PDE8B: variants seen among roughly 807,000 people sequenced by gnomAD.
PDE8B encodes the protein high affinity cAMP-specific and IBMX-insensitive 3',5'-cyclic phosphodiesterase 8B.
A neutral mutation model predicts 101.3 loss-of-function variants in PDE8B; 26 were observed. The observed-to-expected ratio is 0.26, with a 90% CI of 0.19 to 0.36. The LOEUF (loss-of-function observed/expected upper bound fraction) is 0.36. Ranked by LOEUF, PDE8B falls within the 10% of genes least tolerant of loss-of-function variation. The pLI, the probability that PDE8B is intolerant of heterozygous loss-of-function variation, is 1.00. For missense variants in PDE8B, 810 were observed against 1,163.1 expected, an observed-to-expected ratio of 0.70 and a Z score of 4.42; for synonymous variants, 424 against 429.3, an observed-to-expected ratio of 0.99 and a Z score of 0.15.
chr5:77,222,052 C>T (rs1427364031), intron 1 of PDE8B, among the ~76,000 whole-genome samples: 1 of 152,162 alleles, frequency 6.6e-6, no homozygotes, highest in Non-Finnish European at 1.5e-5. Flanking sequence ...CCCCTTGCAG[C>T]TCCTTTGCTA....
chr5:77,241,553 T>C (rs1755770436), intron 1 of PDE8B, among the ~76,000 whole-genome samples: 1 of 152,210 alleles, frequency 6.6e-6, no homozygotes, highest in Non-Finnish European at 1.5e-5. Flanking sequence ...CTATAAGCAC[T>C]ATGATCCTTA....
Position 77,422,050 on chromosome 5 carries a change from C to T in PDE8B, c.2418+62C>T, listed in dbSNP as rs560504234. On this transcript the variant is annotated intron_variant, in intron 20 of 21. Transcript: ENST00000264917. Reference sequence around the variant, plus strand: ...TGGGAATGGGAACTAGGTCATGGAACTCCTGGGGGATTCTCCAGCTGAGTA... The same window carrying T: ...TGGGAATGGGAACTAGGTCATGGAATTCCTGGGGGATTCTCCAGCTGAGTA... The T allele has an allele frequency of 1.5e-5, 22 of 1,514,484 alleles. No homozygotes were observed. In the African/African-American group the frequency reaches 2.6e-4, roughly 18 times the overall value. The allele number at this position is 1,514,484 out of a possible 1,614,324, so 93.8% of individuals were successfully genotyped here. A position where few individuals can be genotyped will look rare whatever the true frequency, so the allele number is the denominator to read the frequency against.
chr5:77,351,428 G>A (rs1175486246), intron 9 of PDE8B, among the ~76,000 whole-genome samples: 1 of 152,142 alleles, frequency 6.6e-6, no homozygotes, highest in Non-Finnish European at 1.5e-5. Flanking sequence ...CTTGATTTCT[G>A]GGCTTCCCTT....
At chr5:77,352,902 T>C (rs1352180590) in intron 9 of PDE8B, among the ~76,000 whole-genome samples, 1 of 152,210 alleles carries the variant, frequency 6.6e-6, no homozygotes, top group Non-Finnish European at 1.5e-5. Flanking sequence ...GCCATTATTA[T>C]GACAATTATA....
intron 2 of PDE8B, among the ~76,000 whole-genome samples, chr5:77,316,851 A>G (rs1773869118): frequency 1.3e-5 from 2 of 152,190 alleles, no homozygotes; most frequent in South Asian, 4.1e-4. Context: ...TACCCCATTG[A>G]TTTCCCTCAT....
In PDE8B at chr5:77,418,528, AG is replaced by A. The variant is rs2151159495; in HGVS notation, c.2129+85del. The A allele has an allele frequency of 5.2e-6, 5 of 961,610 alleles. No homozygotes were observed. In the East Asian group the frequency reaches 1.3e-4, roughly 25 times the overall value. 59.6% of individuals were successfully genotyped at this position (961,610 alleles called of 1,614,324 possible). The stretch of plus-strand genomic sequence containing the variant: ...AATACTTAGCTTCCTCTTAGGGGAA[AG>A]GGAAAATATTAGCTGTCCCACTGTA... On this transcript the variant is annotated intron_variant, in intron 18 of 21. Coordinates refer to ENST00000264917, the MANE Select transcript of PDE8B (RefSeq NM_003719.5).
Position 77,357,047 on chromosome 5 carries a change from G to C in PDE8B, c.1167+3641G>C, listed in dbSNP as rs374003697. ...CTCACTAGAGGACATTCTGATGGGT[G>C]CTTAAGCAAACCTATAGAGAATGTC... On this transcript the variant is annotated intron_variant, in intron 10 of 21. Coordinates refer to ENST00000264917, the MANE Select transcript of PDE8B (RefSeq NM_003719.5). Among the ~76,000 whole-genome samples the C allele has an allele frequency of 8.5e-5, 13 of 152,320 alleles. No individual in the cohort carries two copies. In the East Asian group the frequency reaches 2.3e-3, roughly 27 times the overall value.
chr5:77,143,597 G>A, the PDE8B span, among the ~76,000 whole-genome samples: 28 of 152,188 alleles, frequency 1.8e-4, no homozygotes, highest in Non-Finnish European at 2.5e-4. Context: ...CTGATGAAAG[G>A]TTTTGAAAAA....
At chr5:77,269,304 G>T (rs899471072) in intron 1 of PDE8B, among the ~76,000 whole-genome samples, 15 of 152,018 alleles carry the variant, frequency 9.9e-5, no homozygotes, top group African/African-American at 3.1e-4. Context: ...CAGGTCTTTT[G>T]CCCATTTTAA....
intron 1 of PDE8B, among the ~76,000 whole-genome samples, chr5:77,311,510 C>A (rs13182395): frequency 0.25 from 37,755 of 152,020 alleles, 4,866 homozygotes; most frequent in Middle Eastern, 0.31. Context: ...GATAAGAAAA[C>A]CAAGATCTAA....
the PDE8B span, among the ~76,000 whole-genome samples, chr5:77,137,935 C>A: frequency 6.6e-6 from 1 of 152,004 alleles, no homozygotes; most frequent in African/African-American, 2.4e-5. Context: ...ATGCTGCCCA[C>A]CCAGAAGCAC....
intron 1 of PDE8B, among the ~76,000 whole-genome samples, chr5:77,298,917 AAAAATT>A (rs1216960029): frequency 1.3e-5 from 2 of 152,240 alleles, no homozygotes; most frequent in Non-Finnish European, 2.9e-5. Context: ...TCTTTAGCTT[AAAAATT>A]CATGTGAACT....
At chr5:77,343,560 G>A (rs776424783) in intron 6 of PDE8B, among the ~76,000 whole-genome samples, 2 of 152,216 alleles carry the variant, frequency 1.3e-5, no homozygotes, top group African/African-American at 2.4e-5. Context: ...TTGCAGGACT[G>A]GGAGTTGCTC....
chr5:77,224,316 A>G (rs979918784), intron 1 of PDE8B, among the ~76,000 whole-genome samples: 1 of 152,236 alleles, frequency 6.6e-6, no homozygotes, highest in Non-Finnish European at 1.5e-5. Context: ...ATAATATACA[A>G]GCCGATTTTT....
chr5:77,191,519 A>AT, the PDE8B span, among the ~76,000 whole-genome samples: 2 of 151,842 alleles, frequency 1.3e-5, no homozygotes, highest in Admixed American at 6.6e-5. Flanking sequence ...CACCTGGCTA[A>AT]TTTTTTTGTA....
chr5:77,274,003 G>A (rs1250118868), intron 1 of PDE8B, among the ~76,000 whole-genome samples: 1 of 151,804 alleles, frequency 6.6e-6, no homozygotes, highest in Non-Finnish European at 1.5e-5. Flanking sequence ...TGTATTTTTA[G>A]TAGAGACAAA....
At chr5:77,390,754 G>A (rs886589578) in intron 10 of PDE8B, among the ~76,000 whole-genome samples, 15 of 152,302 alleles carry the variant, frequency 9.8e-5, no homozygotes, top group South Asian at 6.2e-4. Context: ...TAACAAGCCC[G>A]GTCCTGGCAC....
Position 77,418,369 on chromosome 5 carries a change from G to A in PDE8B, c.2052G>A (p.Leu684=), listed in dbSNP as rs766742013. 3.7e-6 allele frequency: 6 copies of A among 1,614,132 alleles called. No homozygotes were observed. Among genetic ancestry groups the A allele is most frequent in the South Asian group, 1.1e-5 (1 of 91,084 alleles). ...TGCTCTACAATGACACTGCTGTTCT[G>A]GAGAGTCACCACACCGCCCTGGCCT... is the stretch of plus-strand genomic sequence containing the variant. ...LAVLYNDTAV[L]ESHHTALAFQ... is the part of the protein sequence containing the mutation. Residue 684 remains leucine (L), a synonymous_variant, in exon 18 of 22, where the codon CTG becomes CTA. Transcript: ENST00000264917.
At chr5:77,179,990 GT>G in the PDE8B span, among the ~76,000 whole-genome samples, 9 of 152,306 alleles carry the variant, frequency 5.9e-5, no homozygotes, top group Admixed American at 4.6e-4. Flanking sequence ...GTATATGATT[GT>G]GAGTTGAGGG....
Sources: allele counts gnomAD v4.1 joint callset (sites outside exome capture counted in the v4.1 genomes callset), GRCh38; gene constraint gnomAD v4.1.1; transcripts MANE v1.5; gene names NCBI Gene and HGNC (gene_info 2026-07-23, HGNC 2026-07-21).